Variants in SNX29 observed in about 807,000 individuals in gnomAD.
The protein encoded by SNX29 is sorting nexin 29, also known as sorting nexin-29.
A neutral mutation model predicts 102.1 loss-of-function variants in SNX29; 78 were observed. That is an observed-to-expected ratio of 0.76 (90% CI 0.64 to 0.92). The LOEUF (loss-of-function observed/expected upper bound fraction) is 0.92. Among genes scored for constraint, SNX29 ranks in the 40% least tolerant of loss-of-function variants. SNX29 has a pLI of 0.00. For missense variants in SNX29, 1,280 were observed against 1,061.7 expected (o/e 1.21, Z -2.86); for synonymous variants, 580 against 414.5 (o/e 1.40, Z -4.85).
intron 14 of SNX29, among the ~76,000 whole-genome samples, chr16:12,254,815 A>G (rs886482850): frequency 3.3e-5 from 5 of 152,128 alleles, no homozygotes; most frequent in African/African-American, 1.2e-4. Flanking sequence ...GGTGGCAGCC[A>G]TTGGTGGCAT....
At chr16:11,996,987 A>T (rs1446459789) in intron 1 of SNX29, among the ~76,000 whole-genome samples, 1 of 152,148 alleles carries the variant, frequency 6.6e-6, no homozygotes, top group Non-Finnish European at 1.5e-5. Context: ...TGGTTTCATT[A>T]CCAGGCCTGG....
chr16:12,536,526 CCT>C (rs1439436564), intron 20 of SNX29, among the ~76,000 whole-genome samples: 1 of 152,122 alleles, frequency 6.6e-6, no homozygotes, highest in Non-Finnish European at 1.5e-5. Context: ...TCTATTTTCC[CCT>C]CTGTAAAATG....
intron 13 of SNX29, among the ~76,000 whole-genome samples, chr16:12,177,802 G>C (rs1195368166): frequency 1.3e-5 from 2 of 152,180 alleles, no homozygotes; most frequent in East Asian, 3.8e-4. Context: ...TTTGCCAAAT[G>C]CCTGCTGTGG....
At chr16:12,317,385 T>C (rs2080784808) in intron 15 of SNX29, among the ~76,000 whole-genome samples, 1 of 152,172 alleles carries the variant, frequency 6.6e-6, no homozygotes, top group African/African-American at 2.4e-5. Flanking sequence ...CGTGAAGCCC[T>C]CACAAATAAG....
At chr16:12,381,489 A>C (rs1597164506) in intron 16 of SNX29, among the ~76,000 whole-genome samples, 1 of 28,390 alleles carries the variant, frequency 3.5e-5, no homozygotes, top group Non-Finnish European at 5.9e-5. Flanking sequence ...CTAGCCACCC[A>C]CCCACTCATC....
chr16:12,315,299 T>C (rs1015690726), intron 15 of SNX29, among the ~76,000 whole-genome samples: 4 of 152,138 alleles, frequency 2.6e-5, no homozygotes, highest in African/African-American at 9.7e-5. Context: ...GGGATGAGTA[T>C]TTTTCTTCCA....
intron 16 of SNX29, among the ~76,000 whole-genome samples, chr16:12,398,160 A>C (rs1325709288): frequency 6.6e-6 from 1 of 152,214 alleles, no homozygotes; most frequent in African/African-American, 2.4e-5. Context: ...TTATCGCTCC[A>C]AAATTACATG....
At chr16:12,471,295 T>G (rs911404378) in intron 18 of SNX29, among the ~76,000 whole-genome samples, 1 of 152,230 alleles carries the variant, frequency 6.6e-6, no homozygotes, top group African/African-American at 2.4e-5. Context: ...TACCCTGGAA[T>G]GTTGACTGCT....
chr16:12,536,451 G>GACTC (rs1408442574), intron 20 of SNX29, among the ~76,000 whole-genome samples: 1 of 152,080 alleles, frequency 6.6e-6, no homozygotes, highest in African/African-American at 2.4e-5. Context: ...GCTTGGGTTT[G>GACTC]ACTCAAGGCT....
chr16:12,431,434 C>CTTCTTTTTTTTTTTT (rs779738786), intron 18 of SNX29, among the ~76,000 whole-genome samples: 3 of 136,952 alleles, frequency 2.2e-5, no homozygotes, highest in Non-Finnish European at 4.7e-5. Flanking sequence ...TCTTCTTCTT[C>CTTCTTTTTTTTTTTT]TTTTTTTTTT....
intron 16 of SNX29, among the ~76,000 whole-genome samples, chr16:12,360,273 C>T (rs1364093691): frequency 6.6e-6 from 1 of 152,206 alleles, no homozygotes; most frequent in Non-Finnish European, 1.5e-5. Context: ...TGGTGTGCCT[C>T]TTCAGGCTCT....
chr16:12,025,388 G>T (rs2057161646), intron 3 of SNX29, among the ~76,000 whole-genome samples: 1 of 150,972 alleles, frequency 6.6e-6, no homozygotes, highest in Non-Finnish European at 1.5e-5. Flanking sequence ...TATCTGCCCA[G>T]CAAAGAGGTT....
intron 15 of SNX29, among the ~76,000 whole-genome samples, chr16:12,344,340 C>T (rs1318757723): frequency 1.3e-5 from 2 of 152,156 alleles, no homozygotes; most frequent in African/African-American, 2.4e-5. Flanking sequence ...TGGTTCCAAT[C>T]CCACGGCCTT....
chr16:12,250,940 C>T (rs780750677), intron 14 of SNX29, among the ~76,000 whole-genome samples: 12 of 152,210 alleles, frequency 7.9e-5, no homozygotes, highest in African/African-American at 1.9e-4. Flanking sequence ...CTGCAGGCCG[C>T]GAGGTACTGG....
intron 16 of SNX29, among the ~76,000 whole-genome samples, chr16:12,383,189 T>A (rs1414611687): frequency 6.6e-6 from 1 of 152,190 alleles, no homozygotes; most frequent in Non-Finnish European, 1.5e-5. Context: ...AGGTCACCAT[T>A]GTGATGAGCT....
chr16:12,047,297 C>T (rs1468252038), intron 6 of SNX29, among the ~76,000 whole-genome samples: 3 of 152,180 alleles, frequency 2.0e-5, no homozygotes, highest in South Asian at 2.1e-4. Flanking sequence ...TGGAATCAGC[C>T]GGACTGAAGT....
chr16:12,112,071 C>T (rs1221977266), intron 11 of SNX29, among the ~76,000 whole-genome samples: 1 of 152,172 alleles, frequency 6.6e-6, no homozygotes, highest in Non-Finnish European at 1.5e-5. Context: ...TTGCAAAGGT[C>T]CAAAGCTATG....
chr16:12,409,950 A>G (rs1238928687), intron 18 of SNX29, among the ~76,000 whole-genome samples: 1 of 152,120 alleles, frequency 6.6e-6, no homozygotes, highest in East Asian at 1.9e-4. Context: ...TCTTCTTTGT[A>G]AAGAGGGTTG....
At chr16:12,215,215 C>G (rs2077289273) in intron 14 of SNX29, among the ~76,000 whole-genome samples, 1 of 151,860 alleles carries the variant, frequency 6.6e-6, no homozygotes, top group Non-Finnish European at 1.5e-5. Context: ...CAGAGACCGG[C>G]TGGGCACGGC....
Sources: allele counts gnomAD v4.1 joint callset (sites outside exome capture counted in the v4.1 genomes callset), GRCh38; gene constraint gnomAD v4.1.1; transcripts MANE v1.5; gene names NCBI Gene and HGNC (gene_info 2026-07-23, HGNC 2026-07-21).